Variants in EXT1 observed in about 807,000 individuals in gnomAD.
EXT1 encodes the protein exostosin-1.
A neutral mutation model predicts 82.5 loss-of-function variants in EXT1; 20 were observed. That is an observed-to-expected ratio of 0.24 (90% CI 0.17 to 0.35). The LOEUF (loss-of-function observed/expected upper bound fraction) is 0.35. EXT1 is among the 10% of genes least tolerant of loss of function. EXT1 has a pLI of 1.00. For synonymous variants in EXT1, 348 were observed against 350.8 expected (o/e 0.99, Z 0.09); for missense variants, 757 against 936.5 (o/e 0.81, Z 2.50).
chr8:117,989,730 C>T (rs1291808192), intron 1 of EXT1, among the ~76,000 whole-genome samples: 1 of 152,154 alleles, frequency 6.6e-6, no homozygotes, highest in Non-Finnish European at 1.5e-5. Context: ...TCCATCTGGG[C>T]GAGATGTTAG....
At chr8:118,039,712 A>G (rs1816493854) in intron 1 of EXT1, among the ~76,000 whole-genome samples, 1 of 152,184 alleles carries the variant, frequency 6.6e-6, no homozygotes, top group Non-Finnish European at 1.5e-5. Flanking sequence ...ATAATTCATG[A>G]ATTCATAATT....
intron 1 of EXT1, among the ~76,000 whole-genome samples, chr8:118,102,175 C>T (rs1817730978): frequency 6.6e-6 from 1 of 151,818 alleles, no homozygotes. Context: ...GCTGAAGCAG[C>T]AGAATCCCTT....
chr8:117,884,468 A>G (rs753226787), intron 1 of EXT1, among the ~76,000 whole-genome samples: 3 of 152,198 alleles, frequency 2.0e-5, no homozygotes, highest in Admixed American at 6.5e-5. Context: ...CATTACTGCC[A>G]AATGTAGAAG....
chr8:118,100,665 G>A (rs756430523), intron 1 of EXT1, among the ~76,000 whole-genome samples: 2 of 152,140 alleles, frequency 1.3e-5, no homozygotes, highest in Non-Finnish European at 2.9e-5. Flanking sequence ...AGAATCGCTT[G>A]AACCCAGGAG....
intron 3 of EXT1, among the ~76,000 whole-genome samples, chr8:117,832,300 C>T (rs939686151): frequency 1.9e-4 from 29 of 151,942 alleles, no homozygotes; most frequent in African/African-American, 5.6e-4. Flanking sequence ...CCGAGGCAGG[C>T]GGATCACGAG....
chr8:117,826,961 T>C (rs1812017263), intron 4 of EXT1, among the ~76,000 whole-genome samples: 1 of 152,182 alleles, frequency 6.6e-6, no homozygotes, highest in Non-Finnish European at 1.5e-5. Context: ...GCTAACTTAA[T>C]AGGTGAGAGA....
intron 10 of EXT1, among the ~76,000 whole-genome samples, chr8:117,803,838 T>G (rs1372489253): frequency 6.6e-6 from 1 of 152,192 alleles, no homozygotes; most frequent in Non-Finnish European, 1.5e-5. Flanking sequence ...ATTTCAACCC[T>G]GTAAGGTAGA....
At chr8:118,031,954 CAACCCT>C (rs1200669291) in intron 1 of EXT1, among the ~76,000 whole-genome samples, 1 of 151,988 alleles carries the variant, frequency 6.6e-6, no homozygotes, top group African/African-American at 2.4e-5. Flanking sequence ...GGCTGCTCCT[CAACCCT>C]AAAGCCAATT....
intron 1 of EXT1, among the ~76,000 whole-genome samples, chr8:118,057,745 G>A (rs1430701179): frequency 4.0e-5 from 6 of 150,700 alleles, no homozygotes; most frequent in East Asian, 2.0e-4. Flanking sequence ...AGGCCGAGGC[G>A]GGAGGATCAC....
At position 117,848,558 on chromosome 8, in the gene EXT1, C is replaced by T. The variant is rs17503628; in HGVS notation, c.963-11357G>A. Among the ~76,000 whole-genome samples, 1,056 of 152,190 alleles carry T rather than the reference C, an allele frequency of 6.9e-3. 9 individuals carry two copies. The highest frequency in any genetic ancestry group is 0.023 in the African/African-American group (943 of 41,510). On this transcript the variant is annotated intron_variant, in intron 1 of 10. Coordinates refer to ENST00000378204, the MANE Select transcript of EXT1 (RefSeq NM_000127.3). ...GGTGGACCAGATGGCCCAAAGGATG[C>T]CTTCATGCCCTGATATTTACTCACT...
At chr8:117,985,343 CAG>C (rs1479989897) in intron 1 of EXT1, among the ~76,000 whole-genome samples, 1 of 152,180 alleles carries the variant, frequency 6.6e-6, no homozygotes, top group South Asian at 2.1e-4. Flanking sequence ...CTGATGATTT[CAG>C]AGAGAAAACC....
At chr8:118,085,372 G>T (rs1817397209) in intron 1 of EXT1, among the ~76,000 whole-genome samples, 1 of 152,088 alleles carries the variant, frequency 6.6e-6, no homozygotes, top group East Asian at 1.9e-4. Context: ...AGGCGTGGGG[G>T]ACAACAATAA....
At chr8:117,900,597 G>A (rs1245961256) in intron 1 of EXT1, among the ~76,000 whole-genome samples, 6 of 152,102 alleles carry the variant, frequency 3.9e-5, no homozygotes, top group Non-Finnish European at 5.9e-5. Flanking sequence ...ACTGACAAAC[G>A]GGCTAAGCTG....
At position 118,110,661 on chromosome 8, in the gene EXT1, T is replaced by C; in HGVS notation, c.386A>G (p.Glu129Gly). 6.2e-7 allele frequency: 1 copy of C among 1,614,180 alleles called. No individual in the cohort carries two copies. Among genetic ancestry groups the C allele is most frequent in the Non-Finnish European group, 8.5e-7 (1 of 1,180,036 alleles). The change falls in exon 1 of 11, where the codon GAA becomes GGA. Residue 129 changes from glutamate (E) to glycine (G), a missense_variant. Coordinates refer to ENST00000378204, the MANE Select transcript of EXT1 (RefSeq NM_000127.3). ...YPQQKGEKIA[E>G]SYQNILAAIE... ...GGCCGCTAGAATGTTTTGGTAACTT[T>C]CGGCGATTTTCTCCCCTTTTTGCTG...
intron 1 of EXT1, among the ~76,000 whole-genome samples, chr8:117,878,039 G>A (rs1393563598): frequency 6.6e-6 from 1 of 152,124 alleles, no homozygotes; most frequent in African/African-American, 2.4e-5. Flanking sequence ...TTGGGAGGCC[G>A]AGGTGGGCGG....
chr8:117,894,689 C>T lies in EXT1; in HGVS notation c.963-57488G>A, dbSNP rs559991120. On this transcript the variant is annotated intron_variant, in intron 1 of 10. Transcript: ENST00000378204. The stretch of plus-strand genomic sequence containing the variant: ...CACATCCTTCCAACCACAACCAGGC[C>T]CTGTTTAAAAGCAGAGAATGGACAG... 2.6e-5 allele frequency among the ~76,000 whole-genome samples: 4 copies of T among 152,266 alleles called. 1 individual carries two copies. The South Asian group carries it at 8.3e-4, about 32-fold the overall frequency.
intron 1 of EXT1, among the ~76,000 whole-genome samples, chr8:118,022,883 C>A (rs2129861133): frequency 6.6e-6 from 1 of 152,172 alleles, no homozygotes; most frequent in East Asian, 1.9e-4. Flanking sequence ...TATTTGAACC[C>A]TGGAACATTC....
At chr8:117,825,401 T>C (rs995329935) in intron 4 of EXT1, among the ~76,000 whole-genome samples, 5 of 152,210 alleles carry the variant, frequency 3.3e-5, no homozygotes, top group African/African-American at 7.2e-5. Context: ...GTGCTTAGTC[T>C]TTATTGTGGT....
chr8:118,109,243 T>C (rs561349514), intron 1 of EXT1, among the ~76,000 whole-genome samples: 2 of 151,936 alleles, frequency 1.3e-5, no homozygotes, highest in South Asian at 4.2e-4. Context: ...AGGAGGCATC[T>C]CACACCCATT....
Sources: allele counts gnomAD v4.1 joint callset (sites outside exome capture counted in the v4.1 genomes callset), GRCh38; gene constraint gnomAD v4.1.1; transcripts MANE v1.5; gene names NCBI Gene and HGNC (gene_info 2026-07-23, HGNC 2026-07-21).